Variants in TSC2 observed in about 807,000 individuals in gnomAD.
The protein encoded by TSC2 is TSC complex subunit 2.
Under a neutral mutation model 202.2 loss-of-function variants are expected in TSC2, and 29 were observed. That is an observed-to-expected ratio of 0.14 (90% CI 0.11 to 0.20). The LOEUF (loss-of-function observed/expected upper bound fraction) is 0.20, where lower values mean the gene tolerates loss of function less well. TSC2 is among the 10% of genes least tolerant of loss of function. TSC2 has a pLI of 1.00. For synonymous variants in TSC2, 1,349 were observed against 1,044.0 expected (o/e 1.29, Z -5.63); for missense variants, 2,429 against 2,420.0 (o/e 1.00, Z -0.08).
chr16:2,060,894 G>T (rs2086559345), intron 11 of TSC2, 81 bp downstream of exon 11: 2 of 1,560,762 alleles, frequency 1.3e-6, no homozygotes, highest in African/African-American at 2.7e-5. Context: ...GGTACCTTGG[G>T]CCCCATCTCT....
At position 2,072,859 on chromosome 16, in the gene TSC2, C is replaced by T. The variant is rs774759789; in HGVS notation, c.2231C>T (p.Pro744Leu). Residue 744 changes from proline to leucine, a missense_variant, in exon 21 of 42, where the codon CCA (proline) becomes CTA (leucine). Pro to Leu is a moderately conservative substitution (Grantham distance 98). Coordinates refer to ENST00000219476, the MANE Select transcript of TSC2 (RefSeq NM_000548.5). ...CSALCSMLSG[P>L]KTLERLRGAP... is the part of the protein sequence containing the mutation. ...GGATTTGGTCATCAGCTTTCAGGCCCAAAGACACTGGAGCGGCTCCGAGGC... is the reference window on the plus strand; with the variant it reads ...GGATTTGGTCATCAGCTTTCAGGCCTAAAGACACTGGAGCGGCTCCGAGGC... 1.9e-6 allele frequency: 3 copies of T among 1,613,506 alleles called. No homozygotes were observed. The highest frequency in any genetic ancestry group is 2.5e-6 in the Non-Finnish European group (3 of 1,180,030).
intron 17 of TSC2, chr16:2,071,277 G>T: frequency 1.7e-6 from 1 of 600,234 alleles, no homozygotes; most frequent in Non-Finnish European, 3.0e-6. Flanking sequence ...TGGTGGTGGG[G>T]ACACCAGGCT....
chr16:2,056,391 G>A (rs553491113), intron 7 of TSC2, 147 bp downstream of exon 7: 1 of 1,245,290 alleles, frequency 8.0e-7, no homozygotes, highest in South Asian at 1.3e-5. Flanking sequence ...AGTCCCCCAT[G>A]TAAGTCAGGA....
intron 3 of TSC2, among the ~76,000 whole-genome samples, chr16:2,052,961 T>A (rs780381446): frequency 2.0e-5 from 3 of 152,164 alleles, no homozygotes; most frequent in Non-Finnish European, 4.4e-5. Flanking sequence ...GGCCTAGGGC[T>A]TAGTGTGCAC....
chr16:2,082,485 CAGG>C lies in TSC2; in HGVS notation c.3867_3869del (p.Arg1289del), dbSNP rs1567514084. ...AGTCCAGCTGCCAAGGACAGCTGCA[CAGG>C]AGCGTTTCCTGGGCAGGTATCGCCT... On this transcript the variant is annotated inframe_deletion, in exon 32 of 42. Coordinates refer to ENST00000219476, the MANE Select transcript of TSC2 (RefSeq NM_000548.5). 2 of 1,612,222 alleles carry C rather than the reference CAGG, an allele frequency of 1.2e-6. No individual in the cohort carries two copies. Among genetic ancestry groups the C allele is most frequent in the Non-Finnish European group, 1.7e-6 (2 of 1,180,010 alleles).
In TSC2 at chr16:2,070,547, C is replaced by T. The variant is rs1318655892; in HGVS notation, c.1808C>T (p.Thr603Ile). 5 of 1,613,270 alleles carry T rather than the reference C, an allele frequency of 3.1e-6. No homozygotes were observed. Among genetic ancestry groups the T allele is most frequent in the Non-Finnish European group, 2.5e-6 (3 of 1,180,044 alleles). ...CAGCTCCACTACAAGCACAGCTACA[C>T]CCTGCCAATCGCGAGCAGCATCCGG... ...HIQLHYKHSY[T>I]LPIASSIRLQ... The change falls in exon 17 of 42, where the codon ACC (threonine) becomes ATC (isoleucine). Residue 603 changes from threonine (T) to isoleucine (I), a missense_variant. Physicochemically the swap from Thr to Ile is moderately conservative, Grantham distance 89. Coordinates refer to ENST00000219476, the MANE Select transcript of TSC2 (RefSeq NM_000548.5).
At chr16:2,084,832 C>G in intron 34 of TSC2, 117 bp downstream of exon 34, 7 of 1,599,010 alleles carry the variant, frequency 4.4e-6, no homozygotes, top group Non-Finnish European at 6.0e-6. Context: ...CTAGGGCTGG[C>G]TGGAACCCCT....
intron 30 of TSC2, chr16:2,080,677 G>A: frequency 2.5e-6 from 1 of 394,528 alleles, no homozygotes. Flanking sequence ...GTAGAGATGG[G>A]GTTTCACTGT....
intron 17 of TSC2, among the ~76,000 whole-genome samples, chr16:2,070,973 G>A (rs1443551896): frequency 6.6e-6 from 1 of 151,338 alleles, no homozygotes; most frequent in Non-Finnish European, 1.5e-5. Flanking sequence ...GGGCTGGAGA[G>A]GGCAGAGCTG....
intron 12 of TSC2, 129 bp downstream of exon 12, chr16:2,062,137 C>A: frequency 7.3e-7 from 1 of 1,366,656 alleles, no homozygotes; most frequent in South Asian, 1.2e-5. Context: ...CAGGTTTCTG[C>A]ACTCGGCAGG....
intron 20 of TSC2, 49 bp from the exon 21 acceptor site, chr16:2,072,800 C>T (rs750572094): frequency 1.5e-5 from 24 of 1,612,550 alleles, no homozygotes; most frequent in Middle Eastern, 1.7e-4. Flanking sequence ...CTGGCTACCC[C>T]GTGACCTGGC....
chr16:2,062,466 A>C, intron 12 of TSC2, 31 bp from the exon 13 acceptor site: 3 of 1,579,158 alleles, frequency 1.9e-6, no homozygotes, highest in Non-Finnish European at 2.6e-6. Context: ...CCGGAGGGGC[A>C]GAGGGGCAAC....
chr16:2,081,873 C>T (rs558527140), intron 31 of TSC2, 75 bp downstream of exon 31: 64 of 1,562,770 alleles, frequency 4.1e-5, no homozygotes, highest in South Asian at 5.8e-5. Context: ...CAATGTGGCT[C>T]CTCTCTGCTG....
rs2151574386 is a variant in TSC2 at position 2,086,315 on chromosome 16, A to G, written c.4785A>G (p.Gly1595=). 1 of 1,612,934 alleles carries G rather than the reference A, an allele frequency of 6.2e-7. No homozygotes were observed. Among genetic ancestry groups the G allele is most frequent in the South Asian group, 1.1e-5 (1 of 91,088 alleles). Reference sequence around the variant, plus strand: ...GCCAGCCGGACAAGGTGTACCTGGGAGGCCTGGACGTGTGTGGTGAGGACG... The same window carrying G: ...GCCAGCCGGACAAGGTGTACCTGGGGGGCCTGGACGTGTGTGGTGAGGACG... ...KDCQPDKVYL[G]GLDVCGEDGQ... Residue 1595 remains glycine, a synonymous_variant, in exon 37 of 42, where the codon GGA becomes GGG. Coordinates refer to ENST00000219476, the MANE Select transcript of TSC2 (RefSeq NM_000548.5).
At chr16:2,063,399 C>G (rs2086880066) in intron 14 of TSC2, 1 of 445,584 alleles carries the variant, frequency 2.2e-6, no homozygotes, top group Admixed American at 3.5e-5. Context: ...CGTTTCAGTC[C>G]TGACGTTCAC....
At chr16:2,071,689 G>T in intron 18 of TSC2, 73 bp downstream of exon 18, 1 of 1,602,142 alleles carries the variant, frequency 6.2e-7, no homozygotes, top group Non-Finnish European at 8.5e-7. Flanking sequence ...GGCGCTGTTT[G>T]CATGTCTGAG....
intron 2 of TSC2, 128 bp from the exon 3 acceptor site, chr16:2,050,272 C>A: frequency 1.1e-6 from 1 of 945,032 alleles, no homozygotes; most frequent in Non-Finnish European, 1.7e-6. Flanking sequence ...AATCTTGATT[C>A]CAGAAAGATC....
chr16:2,056,713 A>G lies in TSC2; in HGVS notation c.718A>G (p.Ile240Val), dbSNP rs796053482. The G allele has an allele frequency of 2.5e-6, 4 of 1,612,544 alleles. No homozygotes were observed. The highest frequency in any genetic ancestry group is 3.4e-6 in the Non-Finnish European group (4 of 1,180,022). The change falls in exon 8 of 42, where the codon ATC becomes GTC. Residue 240 changes from isoleucine (I) to valine (V), a missense_variant. Transcript: ENST00000219476. ...CLPAESLPLFIVTLCRTINVK... is the reference protein window; with the variant it reads ...CLPAESLPLFVVTLCRTINVK... ...GCCGGCTGAGAGCCTCCCGCTGTTC[A>G]TCGTTACCCTCTGTCGCACCATCAA...
chr16:2,054,877 G>A, intron 5 of TSC2: 1 of 331,632 alleles, frequency 3.0e-6, no homozygotes, highest in Non-Finnish European at 5.8e-6. Flanking sequence ...ATTCTGGGAA[G>A]TAGAGAAAGA....
Sources: allele counts gnomAD v4.1 joint callset (sites outside exome capture counted in the v4.1 genomes callset), GRCh38; gene constraint gnomAD v4.1.1; transcripts MANE v1.5; gene names NCBI Gene and HGNC (gene_info 2026-07-23, HGNC 2026-07-21).